ZNF16: variants seen among roughly 807,000 people sequenced by gnomAD.
ZNF16 encodes zinc finger protein KOX9.
Under a neutral mutation model 9.0 loss-of-function variants are expected in ZNF16, and 7 were observed. That is an observed-to-expected ratio of 0.78 (90% confidence interval 0.44 to 1.47). The LOEUF (loss-of-function observed/expected upper bound fraction) is 1.47. Among genes scored for constraint, ZNF16 ranks in the 40% most tolerant of loss-of-function variants. ZNF16 has a pLI of 0.01. For missense variants in ZNF16, 830 were observed against 854.2 expected (o/e 0.97, Z 0.35); for synonymous variants, 312 against 301.5 (o/e 1.03, Z -0.36).
chr8:144,946,223 C>G lies in ZNF16; in HGVS notation c.-9-8G>C. On this transcript the variant is annotated splice_polypyrimidine_tract_variant and splice_region_variant and intron_variant, in intron 1 of 2. Transcript: ENST00000394909. Reference sequence around the variant, plus strand: ...GCTGGGCATGACAAGGACCTGAAAACCGGCAAGAACACAGGTGAGTCTACA... The same window carrying G: ...GCTGGGCATGACAAGGACCTGAAAAGCGGCAAGAACACAGGTGAGTCTACA... The G allele has an allele frequency of 6.7e-7, 1 of 1,501,926 alleles. No homozygotes were observed. Among genetic ancestry groups the G allele is most frequent in the Non-Finnish European group, 8.9e-7 (1 of 1,120,528 alleles). 93.0% of individuals were successfully genotyped at this position (1,501,926 alleles called of 1,614,324 possible).
intron 2 of ZNF16, among the ~76,000 whole-genome samples, chr8:144,940,185 C>G (rs1196673849): frequency 6.6e-6 from 1 of 152,146 alleles, no homozygotes; most frequent in Admixed American, 6.6e-5. Flanking sequence ...CTTAGGTGAT[C>G]TTCCTATCTC....
chr8:144,940,757 A>G (rs182728905), intron 2 of ZNF16, among the ~76,000 whole-genome samples: 3 of 152,340 alleles, frequency 2.0e-5, no homozygotes, highest in East Asian at 3.9e-4. Context: ...TAAACAACAG[A>G]AATTTATTGC....
intron 2 of ZNF16, among the ~76,000 whole-genome samples, chr8:144,938,795 C>A (rs1833739735): frequency 6.6e-6 from 1 of 152,184 alleles, no homozygotes; most frequent in Admixed American, 6.5e-5. Flanking sequence ...TGCAGAGTGG[C>A]ATGTTTGTCT....
chr8:144,931,170 G>A lies in ZNF16; in HGVS notation c.1617C>T (p.His539=), dbSNP rs1467865926. ...TACATTCATAGGGCTTCTCTCCAGT[G>A]TGGACTCGCTGGTGAAGGATGAGGT... The part of the protein sequence containing the change: ...SSNLILHQRV[H]TGEKPYECTE... Residue 539 remains histidine (H), a synonymous_variant, in exon 3 of 3, where the codon CAC becomes CAT. Coordinates refer to ENST00000394909, the MANE Select transcript of ZNF16 (RefSeq NM_006958.3). 32 of 1,614,118 alleles carry A rather than the reference G, an allele frequency of 2.0e-5. No homozygotes were observed. Among genetic ancestry groups the A allele is most frequent in the Non-Finnish European group, 2.4e-5 (28 of 1,180,046 alleles).
intron 1 of ZNF16, among the ~76,000 whole-genome samples, chr8:144,947,355 TG>T (rs1156986548): frequency 2.5e-4 from 36 of 144,696 alleles, no homozygotes; most frequent in Admixed American, 8.2e-4. Context: ...TGTCCTGTTG[TG>T]GGGCCTGTAT....
At chr8:144,948,912 G>A (rs982255312) in intron 1 of ZNF16, among the ~76,000 whole-genome samples, 19 of 152,232 alleles carry the variant, frequency 1.2e-4, no homozygotes, top group African/African-American at 3.1e-4. Flanking sequence ...GGTTATGGAC[G>A]TGAATTACCC....
chr8:144,931,389 A>G lies in ZNF16; in HGVS notation c.1398T>C (p.Cys466=), dbSNP rs1383205623. 15 of 1,614,072 alleles carry G rather than the reference A, an allele frequency of 9.3e-6. No individual in the cohort carries two copies. Among genetic ancestry groups the G allele is most frequent in the Non-Finnish European group, 1.3e-5 (15 of 1,180,046 alleles). ...TGEKPHVCNV[C]GKAFSYSSVL... ...CTGAGCTATAACTAAAGGCTTTTCC[A>G]CATACATTACACACGTGAGGCTTTT... is the stretch of plus-strand genomic sequence containing the variant. The change falls in exon 3 of 3, where the codon TGT becomes TGC. Residue 466 remains cysteine, a synonymous_variant. Transcript: ENST00000394909.
intron 2 of ZNF16, among the ~76,000 whole-genome samples, chr8:144,937,147 T>TTG (rs1413316358): frequency 7.8e-6 from 1 of 128,808 alleles, no homozygotes; most frequent in East Asian, 2.1e-4. Flanking sequence ...CTCTCTCTTT[T>TTG]TTTTTTTTTT....
chr8:144,932,740 AG>A lies in ZNF16; in HGVS notation c.197-151del. ...CAGTCCAGATCAGAGGGCATCAGGG[AG>A]GGGTGGGAGGAGCACTGGGTGATTA... is the stretch of plus-strand genomic sequence containing the variant. On this transcript the variant is annotated intron_variant, in intron 2 of 2. Coordinates refer to ENST00000394909, the MANE Select transcript of ZNF16 (RefSeq NM_006958.3). The surrounding 1 kb of genome is among the most constrained non-coding windows in gnomAD (Gnocchi z 5.0). 1.4e-6 allele frequency: 1 copy of A among 690,654 alleles called. No homozygotes were observed. Among genetic ancestry groups the A allele is most frequent in the Non-Finnish European group, 2.4e-6 (1 of 420,748 alleles). The allele number at this position is 690,654 out of a possible 1,614,324, so 42.8% of individuals were successfully genotyped here. A position where few individuals can be genotyped will look rare whatever the true frequency, so the allele number is the denominator to read the frequency against.
intron 1 of ZNF16, among the ~76,000 whole-genome samples, chr8:144,949,332 C>T (rs1834035136): frequency 1.3e-5 from 2 of 152,242 alleles, no homozygotes; most frequent in African/African-American, 4.8e-5. Flanking sequence ...AGCGAAACCC[C>T]CTTTCTCCCC....
Position 144,930,492 on chromosome 8 carries a change from C to T in ZNF16, c.*246G>A. The T allele has an allele frequency of 2.3e-6, 1 of 438,392 alleles. No homozygotes were observed. 27.2% of individuals were successfully genotyped at this position (438,392 alleles called of 1,614,324 possible). A position where few individuals can be genotyped will look rare whatever the true frequency, so the allele number is the denominator to read the frequency against. On this transcript the variant is annotated 3_prime_UTR_variant, in exon 3 of 3. Coordinates refer to ENST00000394909, the MANE Select transcript of ZNF16 (RefSeq NM_006958.3). ...AATCTTCTCCCTTGTAACAAACGTGCAGTCCGTTCACAAGCTGTAAAAACA... is the reference window on the plus strand; with the variant it reads ...AATCTTCTCCCTTGTAACAAACGTGTAGTCCGTTCACAAGCTGTAAAAACA...
At chr8:144,949,040 C>A (rs1032333942) in intron 1 of ZNF16, among the ~76,000 whole-genome samples, 3 of 152,244 alleles carry the variant, frequency 2.0e-5, no homozygotes, top group African/African-American at 7.2e-5. Flanking sequence ...CTTCTGAGGA[C>A]CAACCTCAAG....
At chr8:144,949,613 TGTG>T (rs1834043967) in intron 1 of ZNF16, among the ~76,000 whole-genome samples, 1 of 152,218 alleles carries the variant, frequency 6.6e-6, no homozygotes, top group South Asian at 2.1e-4. Flanking sequence ...CACAAAAACA[TGTG>T]TTGTATGGAA....
intron 2 of ZNF16, among the ~76,000 whole-genome samples, chr8:144,939,107 A>T (rs908278680): frequency 6.6e-6 from 1 of 151,922 alleles, no homozygotes; most frequent in African/African-American, 2.4e-5. Context: ...ATGCTATTGG[A>T]TTCAGTTTTC....
At chr8:144,941,102 T>C (rs1833787176) in intron 2 of ZNF16, among the ~76,000 whole-genome samples, 1 of 152,332 alleles carries the variant, frequency 6.6e-6, no homozygotes, top group Middle Eastern at 3.4e-3. Flanking sequence ...GTTGTAACGC[T>C]GTTCAAATCC....
At chr8:144,950,641 C>G (rs1204934659) in intron 1 of ZNF16, 156 bp downstream of exon 1, 1 of 149,604 alleles carries the variant, frequency 6.7e-6, no homozygotes, top group South Asian at 2.1e-4. Context: ...CCCCCCCGCG[C>G]TCCCACAACC....
At chr8:144,941,699 C>T (rs1833799399) in intron 2 of ZNF16, among the ~76,000 whole-genome samples, 1 of 151,260 alleles carries the variant, frequency 6.6e-6, no homozygotes, top group African/African-American at 2.4e-5. Context: ...CTCGCTGTCA[C>T]CCAGGCTGGA....
intron 2 of ZNF16, among the ~76,000 whole-genome samples, chr8:144,940,680 A>G (rs577153532): frequency 6.6e-6 from 1 of 152,330 alleles, no homozygotes; most frequent in Non-Finnish European, 1.5e-5. Context: ...TGAATGGAGT[A>G]TTTTATATAC....
chr8:144,943,839 G>C (rs991693039), intron 2 of ZNF16, among the ~76,000 whole-genome samples: 4 of 152,048 alleles, frequency 2.6e-5, no homozygotes, highest in East Asian at 3.9e-4. Flanking sequence ...ACTTTTCTTA[G>C]ATCTTTTTTC....
Sources: gnomAD v4.1 joint callset for allele counts (sites outside exome capture counted in the v4.1 genomes callset) on GRCh38, gnomAD v4.1.1 for gene constraint, Gnocchi (gnomAD v3.1) non-coding constraint, MANE v1.5 for transcripts, NCBI Gene and HGNC (gene_info 2026-07-23, HGNC 2026-07-21) for gene names.